The following DSCAM variants were observed in gnomAD, a reference collection of about 807,000 sequenced individuals.
DSCAM encodes cell adhesion molecule DSCAM.
DSCAM carries 47 observed loss-of-function variants against 217.7 expected under a neutral mutation model. The observed-to-expected ratio is 0.22, with a 90% CI of 0.17 to 0.28. The LOEUF (loss-of-function observed/expected upper bound fraction) is 0.28. Among genes scored for constraint, DSCAM ranks in the 10% least tolerant of loss-of-function variants. The pLI is 1.00. For synonymous variants in DSCAM, 1,056 were observed against 1,015.3 expected, an observed-to-expected ratio of 1.04 and a Z score of -0.76; for missense variants, 2,080 against 2,618.3, an observed-to-expected ratio of 0.79 and a Z score of 4.49.
At chr21:40,289,195 G>C (rs1357877788) in intron 10 of DSCAM, among the ~76,000 whole-genome samples, 1 of 152,104 alleles carries the variant, frequency 6.6e-6, no homozygotes, top group Non-Finnish European at 1.5e-5. Flanking sequence ...CTACAGAATG[G>C]GTAAATGGGC....
intron 3 of DSCAM, among the ~76,000 whole-genome samples, chr21:40,485,156 G>T (rs1007165537): frequency 1.3e-5 from 2 of 151,280 alleles, no homozygotes; most frequent in Non-Finnish European, 2.9e-5. Context: ...TAAGCTCCCT[G>T]CTACCCCCTT....
At chr21:40,646,487 G>A (rs141441874) in intron 3 of DSCAM, among the ~76,000 whole-genome samples, 3 of 151,744 alleles carry the variant, frequency 2.0e-5, no homozygotes, top group East Asian at 1.9e-4. Context: ...GAGAACTCAC[G>A]TGGCATTGAC....
intron 3 of DSCAM, among the ~76,000 whole-genome samples, chr21:40,619,243 C>G (rs1033173718): frequency 3.3e-5 from 5 of 151,836 alleles, no homozygotes; most frequent in Non-Finnish European, 1.5e-5. Flanking sequence ...TGAAACTATA[C>G]CAGATTTATT....
At chr21:40,687,898 G>A (rs1202497937) in intron 3 of DSCAM, among the ~76,000 whole-genome samples, 1 of 152,164 alleles carries the variant, frequency 6.6e-6, no homozygotes, top group African/African-American at 2.4e-5. Flanking sequence ...CAAGTCTTGC[G>A]TGATCTATGA....
intron 11 of DSCAM, among the ~76,000 whole-genome samples, chr21:40,254,599 C>T (rs540011446): frequency 1.5e-4 from 23 of 152,272 alleles, no homozygotes; most frequent in African/African-American, 5.1e-4. Flanking sequence ...GACTGGTTCA[C>T]GGGGGTGGGT....
At chr21:40,037,991 C>T (rs1395110327) in intron 32 of DSCAM, among the ~76,000 whole-genome samples, 2 of 146,428 alleles carry the variant, frequency 1.4e-5, no homozygotes, top group Admixed American at 1.4e-4. Context: ...TGGATCCCTT[C>T]CTTACACCTT....
intron 3 of DSCAM, among the ~76,000 whole-genome samples, chr21:40,545,829 T>G (rs962212222): frequency 3.9e-5 from 6 of 152,184 alleles, no homozygotes; most frequent in Admixed American, 2.6e-4. Flanking sequence ...CCCCCTTGTG[T>G]GTAGCCCAGC....
intron 26 of DSCAM, among the ~76,000 whole-genome samples, chr21:40,077,865 G>A (rs1346943252): frequency 6.6e-6 from 1 of 152,174 alleles, no homozygotes; most frequent in Non-Finnish European, 1.5e-5. Flanking sequence ...ATGCATTGCT[G>A]CCGTTTTTAC....
At chr21:40,510,497 G>GT (rs1269736254) in intron 3 of DSCAM, among the ~76,000 whole-genome samples, 1 of 152,152 alleles carries the variant, frequency 6.6e-6, no homozygotes, top group African/African-American at 2.4e-5. Context: ...GAAATCAAAC[G>GT]TGACGATTGA....
intron 3 of DSCAM, among the ~76,000 whole-genome samples, chr21:40,447,480 T>C (rs905692053): frequency 1.3e-5 from 2 of 152,228 alleles, no homozygotes; most frequent in Non-Finnish European, 2.9e-5. Context: ...TCCAAGGCTA[T>C]AGTGTGTAAG....
intron 15 of DSCAM, among the ~76,000 whole-genome samples, chr21:40,169,327 G>T (rs1385770259): frequency 6.6e-6 from 1 of 152,156 alleles, no homozygotes; most frequent in Non-Finnish European, 1.5e-5. Context: ...AAATCAGAAT[G>T]GGAACATGAA....
intron 6 of DSCAM, among the ~76,000 whole-genome samples, chr21:40,342,712 C>A (rs1336679102): frequency 7.3e-6 from 1 of 136,610 alleles, no homozygotes; most frequent in Non-Finnish European, 1.5e-5. Context: ...GCACAATCTC[C>A]CAAGTAGCTG....
chr21:40,402,774 G>A (rs1387447280), intron 3 of DSCAM, among the ~76,000 whole-genome samples: 1 of 151,748 alleles, frequency 6.6e-6, no homozygotes, highest in Non-Finnish European at 1.5e-5. Flanking sequence ...TTAGGTTTAG[G>A]AAGTCAGGTT....
At chr21:40,595,424 G>A (rs755487161) in intron 3 of DSCAM, among the ~76,000 whole-genome samples, 1 of 151,922 alleles carries the variant, frequency 6.6e-6, no homozygotes, top group Admixed American at 6.6e-5. Context: ...AAAGAGAAGG[G>A]AAGGGAGAGA....
At chr21:40,318,578 T>C (rs566828544) in intron 8 of DSCAM, among the ~76,000 whole-genome samples, 10 of 152,294 alleles carry the variant, frequency 6.6e-5, no homozygotes, top group African/African-American at 1.9e-4. Flanking sequence ...TGAATTGCTA[T>C]GTGAGTTTGT....
intron 23 of DSCAM, among the ~76,000 whole-genome samples, chr21:40,084,430 A>G (rs564068371): frequency 1.1e-3 from 164 of 151,266 alleles, no homozygotes; most frequent in African/African-American, 3.4e-3. Context: ...GAAAAGGGGA[A>G]GGAGGAAAAA....
At chr21:40,124,170 G>A (rs367747313) in intron 20 of DSCAM, 25 bp downstream of exon 20, 2 of 1,613,520 alleles carry the variant, frequency 1.2e-6, no homozygotes, top group Non-Finnish European at 8.5e-7. Flanking sequence ...ACGCTTGAAA[G>A]GCACTTGGTT....
At chr21:40,052,225 C>G (rs2146497981) in intron 29 of DSCAM, 118 bp from the exon 30 acceptor site, 3 of 1,104,732 alleles carry the variant, frequency 2.7e-6, no homozygotes, top group South Asian at 3.2e-5. Flanking sequence ...AATAATAGCC[C>G]CATCTAAAGT....
intron 3 of DSCAM, among the ~76,000 whole-genome samples, chr21:40,437,644 A>T (rs760095786): frequency 8.5e-5 from 13 of 152,050 alleles, no homozygotes; most frequent in Non-Finnish European, 1.8e-4. Context: ...CGAGGTTGGG[A>T]GTTCGAGACC....
Sources: allele counts gnomAD v4.1 joint callset (sites outside exome capture counted in the v4.1 genomes callset), GRCh38; gene constraint gnomAD v4.1.1; transcripts MANE v1.5; gene names NCBI Gene and HGNC (gene_info 2026-07-23, HGNC 2026-07-21).